Variants in PDZRN3 observed in about 807,000 individuals in gnomAD.
The protein encoded by PDZRN3 is PDZ domain containing ring finger 3.
Under a neutral mutation model 85.7 loss-of-function variants are expected in PDZRN3, and 38 were observed. The ratio of observed to expected loss-of-function variants is 0.44; its 90% confidence interval spans 0.34 to 0.58. The LOEUF is 0.58. Ranked by LOEUF, PDZRN3 falls within the 20% of genes least tolerant of loss-of-function variation. The pLI is 0.01. For synonymous variants in PDZRN3, 759 were observed against 638.0 expected, an observed-to-expected ratio of 1.19 and a Z score of -2.86; for missense variants, 1,629 against 1,506.4, an observed-to-expected ratio of 1.08 and a Z score of -1.35.
intron 5 of PDZRN3, among the ~76,000 whole-genome samples, chr3:73,397,176 G>C (rs1417712704): frequency 6.6e-6 from 1 of 152,050 alleles, no homozygotes; most frequent in Non-Finnish European, 1.5e-5. Flanking sequence ...TGGGATTACA[G>C]GTGTGAGCCA....
At chr3:73,554,041 G>A (rs1320444277) in intron 3 of PDZRN3, among the ~76,000 whole-genome samples, 1 of 152,234 alleles carries the variant, frequency 6.6e-6, no homozygotes, top group Non-Finnish European at 1.5e-5. Context: ...CATGAGGCCT[G>A]GATATCTGGG....
At chr3:73,603,865 C>T (rs192556129) in intron 2 of PDZRN3, among the ~76,000 whole-genome samples, 1 of 119,174 alleles carries the variant, frequency 8.4e-6, no homozygotes, top group African/African-American at 3.9e-5. Context: ...CTTCACACTT[C>T]CCCAAACACA....
chr3:73,512,212 G>A (rs1487103203), intron 3 of PDZRN3, among the ~76,000 whole-genome samples: 1 of 152,232 alleles, frequency 6.6e-6, no homozygotes, highest in Non-Finnish European at 1.5e-5. Flanking sequence ...AGCTAGGAGA[G>A]CACAACTTTG....
intron 3 of PDZRN3, chr3:73,433,950 A>G: frequency 7.4e-7 from 1 of 1,360,524 alleles, no homozygotes; most frequent in Non-Finnish European, 9.5e-7. Context: ...ACATACACAC[A>G]GACATACACG....
intron 3 of PDZRN3, among the ~76,000 whole-genome samples, chr3:73,491,593 C>CTTTTTTTTTTT (rs1429977645): frequency 0.28 from 36,582 of 132,222 alleles, 5,836 homozygotes; most frequent in Non-Finnish European, 0.36. Context: ...TGGAAGGTTC[C>CTTTTTTTTTTT]TTTTTTTTTT....
chr3:73,418,004 C>T (rs1295763007), intron 3 of PDZRN3, among the ~76,000 whole-genome samples: 1 of 152,156 alleles, frequency 6.6e-6, no homozygotes, highest in Non-Finnish European at 1.5e-5. Flanking sequence ...CAAAAGTAAA[C>T]TTAAGTGTGT....
At chr3:73,574,508 G>A (rs986977263) in intron 3 of PDZRN3, among the ~76,000 whole-genome samples, 2 of 151,582 alleles carry the variant, frequency 1.3e-5, no homozygotes, top group Non-Finnish European at 2.9e-5. Context: ...GTCCAGGTTG[G>A]AGGGCACTGG....
At chr3:73,416,890 T>TTTTTTTTTTTTTTG (rs1702099456) in intron 3 of PDZRN3, among the ~76,000 whole-genome samples, 1 of 139,958 alleles carries the variant, frequency 7.1e-6, no homozygotes, top group African/African-American at 2.8e-5. Context: ...TTTTTTTTTT[T>TTTTTTTTTTTTTTG]TTTTTTTTTT....
intron 1 of PDZRN3, among the ~76,000 whole-genome samples, chr3:73,610,207 G>C (rs575152323): frequency 4.5e-4 from 68 of 152,110 alleles, no homozygotes; most frequent in African/African-American, 1.5e-3. Context: ...GTCCTATAAG[G>C]ACAACACAGC....
At chr3:73,560,687 G>A (rs779959533) in intron 3 of PDZRN3, among the ~76,000 whole-genome samples, 6 of 152,204 alleles carry the variant, frequency 3.9e-5, no homozygotes, top group South Asian at 2.1e-4. Context: ...TCGGCAGATG[G>A]ATCCCTTTGC....
chr3:73,623,897 CTAGACTA>C, intron 1 of PDZRN3, 199 bp downstream of exon 1: 2 of 463,500 alleles, frequency 4.3e-6, no homozygotes, highest in Middle Eastern at 5.6e-4. Context: ...CCGGTTACGT[CTAGACTA>C]TAAAGGACCA....
chr3:73,384,925 C>T lies in PDZRN3; in HGVS notation c.1641G>A (p.Lys547=). The T allele has an allele frequency of 1.3e-6, 2 of 1,595,766 alleles. No homozygotes were observed. The highest frequency in any genetic ancestry group is 1.7e-6 in the Non-Finnish European group (2 of 1,170,038). ...QFTASVLQQK[K]HDEDGGTTDT... is the part of the protein sequence containing the mutation. Reference sequence around the variant, plus strand: ...CTGTGGTCCCACCGTCTTCGTCGTGCTTCTTCTGCATAAACACAAGAACAA... The same window carrying T: ...CTGTGGTCCCACCGTCTTCGTCGTGTTTCTTCTGCATAAACACAAGAACAA... Residue 547 remains lysine (K), a synonymous_variant, in exon 10 of 10, where the codon AAG becomes AAA. Coordinates refer to ENST00000263666, the MANE Select transcript of PDZRN3 (RefSeq NM_015009.3).
intron 3 of PDZRN3, among the ~76,000 whole-genome samples, chr3:73,452,839 C>CTCTCTGTGTG (rs1553690746): frequency 1.4e-5 from 2 of 140,618 alleles, no homozygotes; most frequent in African/African-American, 5.4e-5. Context: ...GTCCATATAT[C>CTCTCTGTGTG]TGTGTGTGTG....
chr3:73,600,507 T>C (rs771495931), intron 3 of PDZRN3, among the ~76,000 whole-genome samples: 13 of 152,278 alleles, frequency 8.5e-5, no homozygotes, highest in Middle Eastern at 6.8e-3. Flanking sequence ...GTGTTGTCAA[T>C]TGCAATTATA....
At chr3:73,618,949 G>A (rs1490267049) in intron 1 of PDZRN3, among the ~76,000 whole-genome samples, 1 of 152,180 alleles carries the variant, frequency 6.6e-6, no homozygotes. Context: ...ACTTCATGGT[G>A]AATACTCTAA....
chr3:73,433,917 T>TGCAC, intron 3 of PDZRN3: 1 of 1,417,922 alleles, frequency 7.1e-7, no homozygotes, highest in Non-Finnish European at 9.2e-7. Flanking sequence ...CATGCATGCA[T>TGCAC]GCACGCGCGT....
intron 3 of PDZRN3, among the ~76,000 whole-genome samples, chr3:73,595,607 A>G (rs1356851986): frequency 6.6e-6 from 1 of 152,184 alleles, no homozygotes; most frequent in Non-Finnish European, 1.5e-5. Context: ...CCAAAACCAA[A>G]CCAAAAATTA....
At chr3:73,619,184 C>G (rs144789677) in intron 1 of PDZRN3, among the ~76,000 whole-genome samples, 1 of 152,132 alleles carries the variant, frequency 6.6e-6, no homozygotes, top group Non-Finnish European at 1.5e-5. Context: ...TTTTTAAACA[C>G]GAGCCCACTT....
At chr3:73,447,607 C>T (rs1702776649) in intron 3 of PDZRN3, among the ~76,000 whole-genome samples, 1 of 152,200 alleles carries the variant, frequency 6.6e-6, no homozygotes, top group Non-Finnish European at 1.5e-5. Context: ...ATTGCCGCAA[C>T]CAAGAGCTTG....
Sources: gnomAD v4.1 joint callset for allele counts (sites outside exome capture counted in the v4.1 genomes callset) on GRCh38, gnomAD v4.1.1 for gene constraint, MANE v1.5 for transcripts, NCBI Gene and HGNC (gene_info 2026-07-23, HGNC 2026-07-21) for gene names.